The following STAT5B variants were observed in gnomAD, a reference collection of about 807,000 sequenced individuals.
STAT5B encodes the protein signal transducer and activator of transcription 5B.
Under a neutral mutation model 107.8 loss-of-function variants are expected in STAT5B, and 21 were observed. The observed-to-expected ratio is 0.19, with a 90% confidence interval of 0.14 to 0.28. The LOEUF is 0.28. Ranked by LOEUF, STAT5B falls within the 10% of genes least tolerant of loss-of-function variation. The probability of loss-of-function intolerance (pLI) is 1.00; values close to 1 mark genes in which losing one functional copy is unlikely to be tolerated. For synonymous variants in STAT5B, 325 were observed against 401.7 expected (o/e 0.81, Z 2.28); for missense variants, 565 against 1,008.2 (o/e 0.56, Z 5.95).
chr17:42,246,955 C>A (rs8082391), intron 1 of STAT5B, among the ~76,000 whole-genome samples: 53,964 of 152,022 alleles, frequency 0.35, 10,699 homozygotes, highest in African/African-American at 0.53. Flanking sequence ...TTCGCTCCTA[C>A]TCAAAGGCCA....
intron 12 of STAT5B, chr17:42,214,627 A>G (rs988457360): frequency 1.0e-6 from 1 of 985,056 alleles, no homozygotes; most frequent in Non-Finnish European, 1.2e-6. Context: ...ACAAAACATA[A>G]TCAAGGTTTG....
intron 1 of STAT5B, among the ~76,000 whole-genome samples, chr17:42,245,910 C>T (rs1438093131): frequency 2.6e-5 from 4 of 152,126 alleles, no homozygotes; most frequent in Non-Finnish European, 4.4e-5. Flanking sequence ...CCTCCCACCT[C>T]GGCCTCCCAA....
intron 1 of STAT5B, among the ~76,000 whole-genome samples, chr17:42,264,960 G>A (rs2080654566): frequency 8.2e-6 from 1 of 122,270 alleles, no homozygotes; most frequent in East Asian, 2.2e-4. Context: ...GATGGCCAGT[G>A]ATGGTGAGCA....
intron 1 of STAT5B, chr17:42,269,402 T>C (rs918165755): frequency 6.6e-6 from 1 of 152,242 alleles, no homozygotes; most frequent in South Asian, 2.1e-4. Context: ...CAACAAAAAA[T>C]AGTTTCTCAC....
chr17:42,249,977 T>A (rs2080484458), intron 1 of STAT5B, among the ~76,000 whole-genome samples: 1 of 152,044 alleles, frequency 6.6e-6, no homozygotes, highest in African/African-American at 2.4e-5. Flanking sequence ...TTCTTTAAAT[T>A]AAGAGAGTGT....
intron 2 of STAT5B, among the ~76,000 whole-genome samples, chr17:42,230,978 T>C (rs2080312901): frequency 6.6e-6 from 1 of 152,120 alleles, no homozygotes; most frequent in African/African-American, 2.4e-5. Flanking sequence ...TCTTTTAGTC[T>C]TTATGTGTAT....
upstream of STAT5B, chr17:42,276,502 G>C (rs1219166479): frequency 1.3e-5 from 2 of 150,300 alleles, no homozygotes; most frequent in Non-Finnish European, 3.0e-5. The surrounding 1 kb of genome is among the most constrained non-coding windows in gnomAD (Gnocchi z 4.8). Context: ...GGTTCCGCCC[G>C]GCGCGCGCTC....
chr17:42,266,598 G>A (rs981047750), intron 1 of STAT5B, among the ~76,000 whole-genome samples: 17 of 151,300 alleles, frequency 1.1e-4, no homozygotes, highest in African/African-American at 3.4e-4. Flanking sequence ...TTTTTGGCCC[G>A]GTGCAGTGAC....
intron 1 of STAT5B, among the ~76,000 whole-genome samples, chr17:42,245,613 C>G (rs1024150762): frequency 6.6e-6 from 1 of 151,998 alleles, no homozygotes; most frequent in African/African-American, 2.4e-5. Flanking sequence ...ACCTCCGCCC[C>G]CCAGGTTCAA....
intron 5 of STAT5B, among the ~76,000 whole-genome samples, chr17:42,223,141 C>T (rs1165054197): frequency 2.6e-5 from 4 of 152,150 alleles, no homozygotes; most frequent in African/African-American, 9.7e-5. Flanking sequence ...CCTGGCAGCT[C>T]AGAAGCTCCC....
At position 42,217,384 on chromosome 17, in the gene STAT5B, C is replaced by G; in HGVS notation, c.1250G>C (p.Arg417Thr). Residue 417 changes from arginine to threonine, a missense_variant, in exon 10 of 19, where the codon AGG becomes ACG. Physicochemically the swap from Arg to Thr is moderately conservative, Grantham distance 71. This residue lies in a region of STAT5B where 70 missense variants were observed against 73.2 expected (regional missense o/e 0.96). Coordinates refer to ENST00000293328, the MANE Select transcript of STAT5B (RefSeq NM_012448.4). ...QATGTLSAHF[R>T]NMSLKRIKRS... is the part of the protein sequence containing the mutation. The stretch of plus-strand genomic sequence containing the variant: ...CTCTTCTTCCACCCTCACCATATTC[C>G]TGAAGTGGGCACTAAGGGTGCCTGT... The G allele has an allele frequency of 6.2e-7, 1 of 1,614,220 alleles. No homozygotes were observed. Among genetic ancestry groups the G allele is most frequent in the Non-Finnish European group, 8.5e-7 (1 of 1,180,050 alleles).
At chr17:42,204,212 T>G (rs2080068635) in intron 16 of STAT5B, among the ~76,000 whole-genome samples, 1 of 152,198 alleles carries the variant, frequency 6.6e-6, no homozygotes, top group African/African-American at 2.4e-5. Context: ...CACTGGGATG[T>G]GGCAGATGAG....
intron 1 of STAT5B, among the ~76,000 whole-genome samples, chr17:42,242,472 A>T (rs1316037318): frequency 6.6e-6 from 1 of 152,204 alleles, no homozygotes; most frequent in Non-Finnish European, 1.5e-5. Flanking sequence ...GTGATCAAAC[A>T]TCCCCAATCA....
At chr17:42,205,294 G>A (rs2080076701) in intron 16 of STAT5B, among the ~76,000 whole-genome samples, 2 of 152,010 alleles carry the variant, frequency 1.3e-5, no homozygotes, top group Admixed American at 1.3e-4. Context: ...GCCTCCCAAA[G>A]TGTTGGGATT....
chr17:42,238,977 C>T (rs550033886), intron 1 of STAT5B, among the ~76,000 whole-genome samples: 3 of 150,588 alleles, frequency 2.0e-5, no homozygotes, highest in East Asian at 2.0e-4. Flanking sequence ...AGGCCGGGTG[C>T]GGTGGCTCAT....
intron 1 of STAT5B, among the ~76,000 whole-genome samples, chr17:42,254,659 C>T (rs112269511): frequency 3.9e-4 from 59 of 151,020 alleles, no homozygotes; most frequent in African/African-American, 1.3e-3. Context: ...GCTGTGTCTT[C>T]AGCAACTACT....
At chr17:42,209,293 GATCCTC>G (rs2080110501) in intron 15 of STAT5B, among the ~76,000 whole-genome samples, 1 of 151,628 alleles carries the variant, frequency 6.6e-6, no homozygotes, top group Non-Finnish European at 1.5e-5. Context: ...GGCCTCAAGA[GATCCTC>G]CTGCCTGAGG....
chr17:42,217,810 T>G, intron 9 of STAT5B: 1 of 437,314 alleles, frequency 2.3e-6, no homozygotes, highest in Non-Finnish European at 4.2e-6. Context: ...GTTCAAGGGA[T>G]TCTCCTGCCT....
At chr17:42,286,902 A>G in the STAT5B span, among the ~76,000 whole-genome samples, 4 of 152,034 alleles carry the variant, frequency 2.6e-5, no homozygotes, top group African/African-American at 9.7e-5. Context: ...AATCATCTTT[A>G]TGGTCACTTC....
Sources: allele counts gnomAD v4.1 joint callset (sites outside exome capture counted in the v4.1 genomes callset), GRCh38; gene constraint gnomAD v4.1.1; regional missense constraint gnomAD v4.1.1; non-coding constraint Gnocchi (gnomAD v3.1); transcripts MANE v1.5; gene names NCBI Gene and HGNC (gene_info 2026-07-23, HGNC 2026-07-21).